Variants in UXS1 observed in about 807,000 individuals in gnomAD.
The protein encoded by UXS1 is UDP-glucuronic acid decarboxylase 1.
A neutral mutation model predicts 62.6 loss-of-function variants in UXS1; 33 were observed. The observed-to-expected ratio is 0.53, with a 90% CI of 0.40 to 0.70. The LOEUF (loss-of-function observed/expected upper bound fraction) is 0.70, where lower values mean the gene tolerates loss of function less well. Among genes scored for constraint, UXS1 ranks in the 30% least tolerant of loss-of-function variants. The pLI is 0.00. For missense variants in UXS1, 434 were observed against 556.3 expected, an observed-to-expected ratio of 0.78 and a Z score of 2.21; for synonymous variants, 213 against 206.8, an observed-to-expected ratio of 1.03 and a Z score of -0.26.
At chr2:106,122,937 C>G in intron 9 of UXS1, 33 bp downstream of exon 9, 1 of 1,611,364 alleles carries the variant, frequency 6.2e-7, no homozygotes. Flanking sequence ...GCTCAGCACG[C>G]CTAAACCGCA....
rs367790819 is a variant in UXS1, at chr2:106,112,728, G to A, written c.797C>T (p.Thr266Ile). ...GTTCATGTGCATGCGTGGCCCAAAG[G>A]TGTTGAAGATTCTGGCCACTCGCAC... is the stretch of plus-strand genomic sequence containing the variant. ...VEVRVARIFN[T>I]FGPRMHMNDG... Residue 266 changes from threonine (T) to isoleucine (I), a missense_variant, in exon 10 of 15, where the codon ACC (threonine) becomes ATC (isoleucine). By Grantham distance (89) the Thr-to-Ile change is moderately conservative (BLOSUM62 -1). Coordinates refer to ENST00000283148, the MANE Select transcript of UXS1 (RefSeq NM_001253875.2). 4 of 1,613,938 alleles carry A rather than the reference G, an allele frequency of 2.5e-6. No homozygotes were observed. The African/African-American group carries it at 5.3e-5, about 22-fold the overall frequency.
At chr2:106,159,066 A>C (rs922276056) in intron 4 of UXS1, 3 of 152,210 alleles carry the variant, frequency 2.0e-5, no homozygotes, top group Admixed American at 2.0e-4. Context: ...CCGAGTTCTC[A>C]GGGAGGCAGA....
In UXS1 at chr2:106,164,882, C is replaced by T. The variant is rs184282752; in HGVS notation, c.123-83G>A. On this transcript the variant is annotated intron_variant, in intron 2 of 14. Transcript: ENST00000283148. ...TTACCCTAACATAACCCAACGGATG[C>T]AGACCACCTCTGTCTCCTGCTCAAG... The T allele has an allele frequency of 3.7e-4, 358 of 963,672 alleles. 1 individual carries two copies. The Admixed American group carries it at 9.0e-3, about 24-fold the overall frequency. 59.7% of individuals were successfully genotyped at this position (963,672 alleles called of 1,614,324 possible). A position where few individuals can be genotyped will look rare whatever the true frequency, so the allele number is the denominator to read the frequency against.
At chr2:106,146,031 C>T (rs1681535180) in intron 5 of UXS1, among the ~76,000 whole-genome samples, 1 of 152,174 alleles carries the variant, frequency 6.6e-6, no homozygotes. Flanking sequence ...GGGGTCTTGA[C>T]GGTAACTCAG....
intron 4 of UXS1, among the ~76,000 whole-genome samples, chr2:106,163,013 A>T (rs1682994325): frequency 6.6e-6 from 1 of 152,208 alleles, no homozygotes; most frequent in South Asian, 2.1e-4. Flanking sequence ...ATTTCTGAAG[A>T]TTCAACTGCT....
Position 106,098,754 on chromosome 2 carries a change from G to C in UXS1, c.1004C>G (p.Thr335Arg), listed in dbSNP as rs771832557. The C allele has an allele frequency of 3.1e-6, 5 of 1,609,724 alleles. No homozygotes were observed. In the Admixed American group the frequency reaches 6.7e-5, roughly 22 times the overall value. The change falls in exon 13 of 15, where the codon ACA (threonine) becomes AGA (arginine). Residue 335 changes from threonine (T) to arginine (R), a missense_variant. Thr to Arg is a moderately conservative substitution (Grantham distance 71, BLOSUM62 -1). This residue lies in a region of UXS1 where 209 missense variants were observed against 233.3 expected (regional missense o/e 0.90). Transcript: ENST00000283148. Reference protein sequence around the residue: ...PVNLGNPEEHTILEFAQLIKN... With the variant: ...PVNLGNPEEHRILEFAQLIKN... ...AATTAACTGAGCAAATTCTAGGATT[G>C]TGTGTTCTTCTGGGTTCCCCTAAGA... is the stretch of plus-strand genomic sequence containing the variant.
rs1412510240 is a variant in UXS1, at chr2:106,125,220, TA to T, written c.637+399del. On this transcript the variant is annotated intron_variant, in intron 8 of 14. Coordinates refer to ENST00000283148, the MANE Select transcript of UXS1 (RefSeq NM_001253875.2). ...GCATGTCTCTTCTCCCAGCAAGCTTTAAAGGCCAGCCCATGAGCTCTTGGGA... is the reference window on the plus strand; with the variant it reads ...GCATGTCTCTTCTCCCAGCAAGCTTTAAGGCCAGCCCATGAGCTCTTGGGA... Among the ~76,000 whole-genome samples the T allele has an allele frequency of 3.3e-5, 5 of 152,158 alleles. No individual in the cohort carries two copies. In the East Asian group the frequency reaches 7.7e-4, roughly 23 times the overall value.
At chr2:106,158,035 A>T in intron 5 of UXS1, 23 bp downstream of exon 5, 1 of 1,533,136 alleles carries the variant, frequency 6.5e-7, no homozygotes, top group Non-Finnish European at 8.8e-7. Context: ...TATTACAAAT[A>T]CTATTCAGGT....
intron 1 of UXS1, among the ~76,000 whole-genome samples, chr2:106,176,795 G>A (rs572436648): frequency 4.6e-5 from 7 of 152,328 alleles, no homozygotes; most frequent in African/African-American, 1.7e-4. Flanking sequence ...AGCAAAGGGC[G>A]CTTGCTTATC....
intron 1 of UXS1, among the ~76,000 whole-genome samples, chr2:106,181,328 G>A (rs141500350): frequency 1.8e-4 from 27 of 152,288 alleles, no homozygotes; most frequent in East Asian, 9.7e-4. Flanking sequence ...CCCAGCTCCC[G>A]GCACATGCTC....
chr2:106,119,555 C>T (rs1573444559), intron 9 of UXS1, among the ~76,000 whole-genome samples: 1 of 152,212 alleles, frequency 6.6e-6, no homozygotes, highest in South Asian at 2.1e-4. Flanking sequence ...ACAGCAGGCA[C>T]GCAGAGCATC....
chr2:106,178,416 A>G (rs1684025727), intron 1 of UXS1, among the ~76,000 whole-genome samples: 1 of 152,194 alleles, frequency 6.6e-6, no homozygotes, highest in African/African-American at 2.4e-5. Context: ...AATAATGTAA[A>G]AGGACAAGGC....
chr2:106,120,723 C>T (rs1304116171), intron 9 of UXS1, among the ~76,000 whole-genome samples: 8 of 152,194 alleles, frequency 5.3e-5, no homozygotes, highest in Non-Finnish European at 7.3e-5. Context: ...GAAGAACCCA[C>T]GACACCCCTG....
At chr2:106,159,654 T>C (rs1378049053) in intron 4 of UXS1, among the ~76,000 whole-genome samples, 1 of 152,218 alleles carries the variant, frequency 6.6e-6, no homozygotes, top group African/African-American at 2.4e-5. Context: ...ATGGTCATTA[T>C]ACTAATTGGA....
chr2:106,179,494 C>G (rs1684108561), intron 1 of UXS1: 1 of 152,208 alleles, frequency 6.6e-6, no homozygotes. Flanking sequence ...TTGATTCATT[C>G]TCTACTTTAC....
intron 7 of UXS1, among the ~76,000 whole-genome samples, chr2:106,126,999 G>A (rs549570503): frequency 6.8e-4 from 103 of 152,198 alleles, no homozygotes; most frequent in African/African-American, 2.3e-3. Flanking sequence ...AATGGAACAC[G>A]GCCTCTTAGG....
chr2:106,165,989 T>TA (rs1683187276), intron 2 of UXS1, 67 bp downstream of exon 2: 1 of 1,483,356 alleles, frequency 6.7e-7, no homozygotes, highest in South Asian at 1.2e-5. Context: ...ATCCATGGTA[T>TA]ATATGTACCA....
chr2:106,102,678 T>C (rs1224744633), intron 11 of UXS1: 1 of 152,104 alleles, frequency 6.6e-6, no homozygotes, highest in Admixed American at 6.5e-5. Flanking sequence ...GAGGCAATCA[T>C]GGGTTTGGGG....
intron 8 of UXS1, among the ~76,000 whole-genome samples, chr2:106,125,355 A>G (rs920058642): frequency 1.3e-5 from 2 of 152,216 alleles, no homozygotes; most frequent in African/African-American, 4.8e-5. Flanking sequence ...AATGGCAGAA[A>G]CACTTCTGTG....
Sources: allele counts gnomAD v4.1 joint callset (sites outside exome capture counted in the v4.1 genomes callset), GRCh38; gene constraint gnomAD v4.1.1; regional missense constraint gnomAD v4.1.1; transcripts MANE v1.5; gene names NCBI Gene and HGNC (gene_info 2026-07-23, HGNC 2026-07-21).